The following EYS variants were observed in gnomAD, a reference collection of about 807,000 sequenced individuals.
EYS encodes EGF-like photoreceptor maintenance factor.
In EYS, 250 loss-of-function variants were observed where a neutral mutation model predicts 282.1. The observed-to-expected ratio is 0.89, with a 90% CI of 0.80 to 0.98. The LOEUF (loss-of-function observed/expected upper bound fraction) is 0.98. EYS is among the 50% of genes least tolerant of loss of function. The probability of loss-of-function intolerance (pLI) is 0.00; values close to 1 mark genes in which losing one functional copy is unlikely to be tolerated. For missense variants in EYS, 4,016 were observed against 3,709.0 expected (o/e 1.08, Z -2.15); for synonymous variants, 1,355 against 1,282.9 (o/e 1.06, Z -1.20).
intron 26 of EYS, among the ~76,000 whole-genome samples, chr6:64,535,356 G>T (rs564855825): frequency 1.3e-4 from 19 of 151,978 alleles, no homozygotes; most frequent in Non-Finnish European, 2.6e-4. Flanking sequence ...GTCAAACCAG[G>T]CATTAAGTAA....
chr6:63,871,698 G>C (rs1440106515), intron 35 of EYS, among the ~76,000 whole-genome samples: 2 of 151,966 alleles, frequency 1.3e-5, no homozygotes, highest in East Asian at 3.9e-4. Context: ...TTGTTTGTTA[G>C]TTCCAAATCT....
intron 22 of EYS, among the ~76,000 whole-genome samples, chr6:64,628,257 T>G (rs1259697889): frequency 1.3e-5 from 2 of 151,876 alleles, no homozygotes; most frequent in African/African-American, 4.8e-5. Flanking sequence ...TTTTTTTTTT[T>G]TTTGAGAGGA....
At chr6:63,844,468 G>A (rs140411673) in intron 36 of EYS, among the ~76,000 whole-genome samples, 26 of 152,152 alleles carry the variant, frequency 1.7e-4, no homozygotes, top group East Asian at 1.2e-3. Context: ...TTACATTCCC[G>A]CCCACAGTGT....
intron 24 of EYS, among the ~76,000 whole-genome samples, chr6:64,601,218 C>G (rs1199618857): frequency 6.6e-6 from 1 of 152,038 alleles, no homozygotes; most frequent in Admixed American, 6.6e-5. Flanking sequence ...TTCAAAAAGG[C>G]TATAAAGATA....
At chr6:65,474,255 C>A (rs1265374911) in intron 5 of EYS, among the ~76,000 whole-genome samples, 2 of 151,962 alleles carry the variant, frequency 1.3e-5, no homozygotes, top group African/African-American at 4.8e-5. Context: ...AATAATGACC[C>A]CCATGGGGAA....
At chr6:64,881,459 A>G (rs1319686343) in intron 19 of EYS, among the ~76,000 whole-genome samples, 2 of 151,886 alleles carry the variant, frequency 1.3e-5, no homozygotes, top group Admixed American at 1.3e-4. Context: ...AGCAAAGGTA[A>G]TCTTATCTGG....
At chr6:64,280,011 G>A (rs2150361157) in intron 30 of EYS, among the ~76,000 whole-genome samples, 1 of 152,254 alleles carries the variant, frequency 6.6e-6, no homozygotes, top group East Asian at 1.9e-4. Context: ...ACGGCAGTAT[G>A]CAGAGAAAGA....
At chr6:65,694,037 A>G (rs536902928) in intron 1 of EYS, among the ~76,000 whole-genome samples, 1 of 150,614 alleles carries the variant, frequency 6.6e-6, no homozygotes, top group African/African-American at 2.4e-5. Flanking sequence ...GATCAATAAA[A>G]AGACTGAAAC....
At chr6:65,149,696 T>A (rs1764565355) in intron 12 of EYS, among the ~76,000 whole-genome samples, 1 of 152,114 alleles carries the variant, frequency 6.6e-6, no homozygotes, top group Non-Finnish European at 1.5e-5. Flanking sequence ...GTTTCTGTCT[T>A]CTTCTGAGCC....
At chr6:64,325,131 C>T (rs922157949) in intron 29 of EYS, among the ~76,000 whole-genome samples, 2 of 152,138 alleles carry the variant, frequency 1.3e-5, no homozygotes, top group Non-Finnish European at 2.9e-5. Flanking sequence ...ACCAGGAATC[C>T]CAAGAAGACC....
At chr6:64,099,528 A>G (rs550199037) in intron 31 of EYS, among the ~76,000 whole-genome samples, 1 of 152,302 alleles carries the variant, frequency 6.6e-6, no homozygotes, top group African/African-American at 2.4e-5. Context: ...ATCTATGAGG[A>G]ACTTGTTTGC....
intron 31 of EYS, among the ~76,000 whole-genome samples, chr6:64,090,399 T>C (rs2150251110): frequency 6.6e-6 from 1 of 152,286 alleles, no homozygotes; most frequent in Non-Finnish European, 1.5e-5. Flanking sequence ...ACTTAACATA[T>C]TTAAACCCAT....
intron 12 of EYS, among the ~76,000 whole-genome samples, chr6:65,269,945 C>T (rs2150264945): frequency 6.6e-6 from 1 of 152,230 alleles, no homozygotes; most frequent in Non-Finnish European, 1.5e-5. Flanking sequence ...CCCCCAAATT[C>T]ATGTCATTCT....
At chr6:65,527,230 A>ATTATAAAT (rs1767603397) in intron 2 of EYS, among the ~76,000 whole-genome samples, 1 of 152,186 alleles carries the variant, frequency 6.6e-6, no homozygotes, top group Admixed American at 6.5e-5. Flanking sequence ...TCTAGAAAGC[A>ATTATAAAT]TTATAAATTA....
chr6:63,829,852 T>C (rs1771577653), intron 36 of EYS, among the ~76,000 whole-genome samples: 1 of 152,148 alleles, frequency 6.6e-6, no homozygotes, highest in Non-Finnish European at 1.5e-5. Flanking sequence ...TAGGTGCCCC[T>C]CTGAGACAAA....
chr6:64,937,298 T>C (rs1768942478), intron 15 of EYS, among the ~76,000 whole-genome samples: 1 of 151,574 alleles, frequency 6.6e-6, no homozygotes, highest in Non-Finnish European at 1.5e-5. Context: ...ATGAGTCAAT[T>C]GGTTGTCCTC....
intron 29 of EYS, among the ~76,000 whole-genome samples, chr6:64,377,641 A>G (rs1772602294): frequency 6.6e-6 from 1 of 152,134 alleles, no homozygotes; most frequent in Non-Finnish European, 1.5e-5. Context: ...CTTAATAACT[A>G]TTAACTACTA....
At chr6:63,975,188 G>T (rs1453848670) in intron 35 of EYS, among the ~76,000 whole-genome samples, 2 of 151,690 alleles carry the variant, frequency 1.3e-5, no homozygotes, top group African/African-American at 4.8e-5. Context: ...TGTATAAATG[G>T]AAAAACACAA....
chr6:65,335,199 T>TTGTA, intron 10 of EYS, 53 bp from the exon 11 acceptor site: 10 of 1,250,436 alleles, frequency 8.0e-6, no homozygotes, highest in Non-Finnish European at 1.1e-5. Context: ...CTTACTACAA[T>TTGTA]ATTACAATTG....
Sources: gnomAD v4.1 joint callset for allele counts (sites outside exome capture counted in the v4.1 genomes callset) on GRCh38, gnomAD v4.1.1 for gene constraint, MANE v1.5 for transcripts, NCBI Gene and HGNC (gene_info 2026-07-23, HGNC 2026-07-21) for gene names.